MSRA: variants seen among roughly 807,000 people sequenced by gnomAD.
MSRA encodes the protein mitochondrial peptide methionine sulfoxide reductase.
MSRA carries 54 observed loss-of-function variants against 31.3 expected under a neutral mutation model. The ratio of observed to expected loss-of-function variants is 1.73; its 90% confidence interval spans 1.39 to 2.17. The LOEUF (loss-of-function observed/expected upper bound fraction) is 2.17. Among genes scored for constraint, MSRA ranks in the 30% most tolerant of loss-of-function variants. MSRA has a pLI of 0.00. For synonymous variants in MSRA, 169 were observed against 116.5 expected, an observed-to-expected ratio of 1.45 and a Z score of -2.90; for missense variants, 507 against 300.9, an observed-to-expected ratio of 1.69 and a Z score of -5.07.
At chr8:10,354,750 G>GTGTA (rs371336632) in intron 5 of MSRA, among the ~76,000 whole-genome samples, 4,116 of 138,176 alleles carry the variant, frequency 0.03, 54 homozygotes, top group Middle Eastern at 0.06. Flanking sequence ...GTGTGTGTGT[G>GTGTA]TATATATATA....
At chr8:10,427,987 C>A (rs11250008) in intron 5 of MSRA, among the ~76,000 whole-genome samples, 161 bp from the exon 6 acceptor site, 1 of 152,032 alleles carries the variant, frequency 6.6e-6, no homozygotes, top group Non-Finnish European at 1.5e-5. Flanking sequence ...CCCTGCCCAG[C>A]GTCACTCCAC....
chr8:10,083,263 G>C (rs1409341578), intron 1 of MSRA, among the ~76,000 whole-genome samples: 1 of 152,120 alleles, frequency 6.6e-6, no homozygotes, highest in Non-Finnish European at 1.5e-5. Flanking sequence ...CTTTGAATTA[G>C]TCAAATCTAA....
chr8:10,152,042 A>C (rs771353384), intron 1 of MSRA, among the ~76,000 whole-genome samples: 1 of 152,214 alleles, frequency 6.6e-6, no homozygotes, highest in Admixed American at 6.5e-5. Context: ...TCTTATTTCA[A>C]TGTGTACACA....
At chr8:10,306,013 C>G (rs569065707) in intron 4 of MSRA, among the ~76,000 whole-genome samples, 2 of 152,300 alleles carry the variant, frequency 1.3e-5, no homozygotes, top group African/African-American at 4.8e-5. Context: ...CTATTCTGGC[C>G]TTCTTTCTTA....
chr8:10,177,492 G>A (rs1256323778), intron 1 of MSRA, among the ~76,000 whole-genome samples: 1 of 152,088 alleles, frequency 6.6e-6, no homozygotes, highest in Non-Finnish European at 1.5e-5. Context: ...CTTCATGAGT[G>A]TGTTGTTATC....
At chr8:10,201,993 A>G (rs1242013313) in intron 1 of MSRA, among the ~76,000 whole-genome samples, 1 of 152,230 alleles carries the variant, frequency 6.6e-6, no homozygotes, top group Admixed American at 6.5e-5. Flanking sequence ...TGGGTAACAG[A>G]TGTCCCTGTT....
intron 1 of MSRA, among the ~76,000 whole-genome samples, chr8:10,081,816 G>T (rs575408071): frequency 4.9e-4 from 74 of 152,226 alleles, no homozygotes; most frequent in African/African-American, 1.7e-3. Context: ...GAAATTGAGG[G>T]GGTACCCAGA....
At chr8:10,219,919 A>G (rs372347211) in intron 2 of MSRA, among the ~76,000 whole-genome samples, 1 of 151,792 alleles carries the variant, frequency 6.6e-6, no homozygotes, top group East Asian at 1.9e-4. Flanking sequence ...ATCAAAATCA[A>G]ACAGTGCCAG....
chr8:10,228,330 G>T (rs142368552), intron 2 of MSRA, among the ~76,000 whole-genome samples: 2 of 152,276 alleles, frequency 1.3e-5, no homozygotes, highest in African/African-American at 2.4e-5. Flanking sequence ...TTGGAAATGC[G>T]CTGCATGTGG....
In MSRA at chr8:10,419,293, G is replaced by T. The variant is rs148451147; in HGVS notation, c.544-8855G>T. The stretch of plus-strand genomic sequence containing the variant: ...TCCGGGAACAGCATGGATGTGGGAG[G>T]GGGCATGGAATCCAGACCTGGATTC... On this transcript the variant is annotated intron_variant, in intron 5 of 5. Transcript: ENST00000317173. 1.6e-3 allele frequency among the ~76,000 whole-genome samples: 237 copies of T among 152,262 alleles called. 3 individuals carry two copies. The highest frequency in any genetic ancestry group is 4.5e-3 in the African/African-American group (187 of 41,568).
At chr8:10,316,572 C>G (rs185464774) in intron 4 of MSRA, among the ~76,000 whole-genome samples, 1,930 of 147,172 alleles carry the variant, frequency 0.013, 63 homozygotes, top group Admixed American at 0.064. Context: ...CTCTCTCTCT[C>G]TCCTTCCTCC....
chr8:10,285,026 T>TAAAAA (rs5889328), intron 3 of MSRA, among the ~76,000 whole-genome samples: 38 of 144,876 alleles, frequency 2.6e-4, no homozygotes, highest in Admixed American at 1.2e-3. Flanking sequence ...TTTTTTTCTT[T>TAAAAA]AAAAAAAAAA....
chr8:10,153,670 C>T (rs559513201), intron 1 of MSRA, among the ~76,000 whole-genome samples: 119 of 152,268 alleles, frequency 7.8e-4, no homozygotes, highest in Non-Finnish European at 3.1e-4. Flanking sequence ...TGTCGCCCAC[C>T]GTCTGAGAAA....
chr8:10,246,733 T>G (rs1797641514), intron 3 of MSRA, among the ~76,000 whole-genome samples: 1 of 152,248 alleles, frequency 6.6e-6, no homozygotes, highest in South Asian at 2.1e-4. Context: ...GTGCATGTTC[T>G]TATTTTTTCT....
chr8:10,094,119 A>G (rs1029700192), intron 1 of MSRA, among the ~76,000 whole-genome samples: 9 of 152,184 alleles, frequency 5.9e-5, no homozygotes, highest in Non-Finnish European at 1.3e-4. Flanking sequence ...CATCATCCCT[A>G]TTTGAAGGGA....
chr8:10,396,172 T>G (rs1807085932), intron 5 of MSRA, among the ~76,000 whole-genome samples: 1 of 152,190 alleles, frequency 6.6e-6, no homozygotes, highest in South Asian at 2.1e-4. Context: ...GTGCTGCTGC[T>G]GTTATTGATG....
chr8:10,148,405 T>C (rs904889419), intron 1 of MSRA, among the ~76,000 whole-genome samples: 3 of 151,798 alleles, frequency 2.0e-5, no homozygotes, highest in East Asian at 3.9e-4. Context: ...CCCAGCACTT[T>C]GGAGGCTGAG....
chr8:10,242,464 AG>A (rs1797386066), intron 2 of MSRA, among the ~76,000 whole-genome samples: 1 of 152,130 alleles, frequency 6.6e-6, no homozygotes, highest in African/African-American at 2.4e-5. Context: ...AGGCATGTCT[AG>A]GGTAGATGGC....
intron 5 of MSRA, among the ~76,000 whole-genome samples, chr8:10,419,068 C>T (rs1417739291): frequency 6.6e-6 from 1 of 152,156 alleles, no homozygotes; most frequent in East Asian, 1.9e-4. Context: ...CACATGCAGG[C>T]CCCTCCCTCC....
Sources: gnomAD v4.1 joint callset for allele counts (sites outside exome capture counted in the v4.1 genomes callset) on GRCh38, gnomAD v4.1.1 for gene constraint, MANE v1.5 for transcripts, NCBI Gene and HGNC (gene_info 2026-07-23, HGNC 2026-07-21) for gene names.